ATXN7: variants seen among roughly 807,000 people sequenced by gnomAD.
ATXN7 encodes the protein ataxin 7, also known as ataxin-7.
A neutral mutation model predicts 70.5 loss-of-function variants in ATXN7; 12 were observed. That is an observed-to-expected ratio of 0.17 (90% CI 0.11 to 0.28). ATXN7 has a LOEUF of 0.28. Ranked by LOEUF, ATXN7 falls within the 10% of genes least tolerant of loss-of-function variation. ATXN7 has a pLI of 1.00. For missense variants in ATXN7, 1,256 were observed against 1,131.7 expected, an observed-to-expected ratio of 1.11 and a Z score of -1.58; for synonymous variants, 498 against 448.7, an observed-to-expected ratio of 1.11 and a Z score of -1.39.
chr3:63,991,761 A>C (rs148993707), intron 11 of ATXN7, among the ~76,000 whole-genome samples: 178 of 152,244 alleles, frequency 1.2e-3, no homozygotes, highest in African/African-American at 3.9e-3. Context: ...TGCTTCCCAA[A>C]CAGGATTTTA....
intron 4 of ATXN7, among the ~76,000 whole-genome samples, chr3:63,932,181 T>C (rs2074559479): frequency 6.6e-6 from 1 of 152,224 alleles, no homozygotes; most frequent in African/African-American, 2.4e-5. Context: ...GGTTCCCATA[T>C]TCAAGGTAAT....
intron 4 of ATXN7, among the ~76,000 whole-genome samples, chr3:63,925,977 A>G (rs1704700604): frequency 6.6e-6 from 1 of 152,228 alleles, no homozygotes; most frequent in Non-Finnish European, 1.5e-5. Context: ...AATTGGTGGT[A>G]GCTAAAGTTA....
chr3:63,984,402 T>G (rs2075540870), intron 8 of ATXN7, among the ~76,000 whole-genome samples: 1 of 152,046 alleles, frequency 6.6e-6, no homozygotes, highest in African/African-American at 2.4e-5. Context: ...AGTGGTGTAG[T>G]GGTGGTGGTG....
Position 63,980,126 on chromosome 3 carries a change from A to G in ATXN7, c.711A>G (p.Pro237=), listed in dbSNP as rs767970263. 1 of 1,614,220 alleles carries G rather than the reference A, an allele frequency of 6.2e-7. No individual in the cohort carries two copies. The highest frequency in any genetic ancestry group is 1.7e-5 in the Admixed American group (1 of 60,020). ...EKLQLRGNTR[P]MHPIQQSRVP... ...TGCAGCTCAGGGGGAACACCAGGCC[A>G]ATGCATCCCATTCAGCAAAGTAGAG... Residue 237 remains proline (P), a synonymous_variant, in exon 6 of 13, where the codon CCA becomes CCG. Coordinates refer to ENST00000674280, the MANE Select transcript of ATXN7 (RefSeq NM_001377405.1).
At chr3:63,963,968 A>G (rs201949391) in intron 5 of ATXN7, among the ~76,000 whole-genome samples, 1 of 151,474 alleles carries the variant, frequency 6.6e-6, no homozygotes, top group Non-Finnish European at 1.5e-5. Context: ...TTATATCTCT[A>G]CCAGCCACTA....
At chr3:63,926,451 C>G (rs1704718567) in intron 4 of ATXN7, among the ~76,000 whole-genome samples, 1 of 152,192 alleles carries the variant, frequency 6.6e-6, no homozygotes, top group African/African-American at 2.4e-5. Context: ...AACAGCAAAT[C>G]TGAAGTCTCT....
At chr3:63,976,532 A>G (rs1325737249) in intron 5 of ATXN7, among the ~76,000 whole-genome samples, 2 of 152,168 alleles carry the variant, frequency 1.3e-5, no homozygotes, top group African/African-American at 2.4e-5. Flanking sequence ...CTTTTTTGGG[A>G]TATTATCGAT....
chr3:63,941,998 T>A (rs2074777294), intron 4 of ATXN7, among the ~76,000 whole-genome samples: 1 of 152,212 alleles, frequency 6.6e-6, no homozygotes, highest in Non-Finnish European at 1.5e-5. Flanking sequence ...GCCTTCCTCT[T>A]CTCTCTGGTT....
chr3:63,925,581 C>T (rs1355785162), intron 4 of ATXN7, among the ~76,000 whole-genome samples: 1 of 152,050 alleles, frequency 6.6e-6, no homozygotes, highest in Non-Finnish European at 1.5e-5. Flanking sequence ...AAATTGTCTT[C>T]CACGAAACTG....
chr3:63,984,222 A>AAT (rs71631180), intron 8 of ATXN7, among the ~76,000 whole-genome samples: 3 of 151,950 alleles, frequency 2.0e-5, no homozygotes, highest in African/African-American at 7.3e-5. Flanking sequence ...AAAAAAAAAA[A>AAT]CCACGGTCCA....
intron 5 of ATXN7, among the ~76,000 whole-genome samples, chr3:63,952,926 T>C (rs1215023392): frequency 1.3e-5 from 2 of 150,230 alleles, no homozygotes; most frequent in Non-Finnish European, 3.0e-5. Context: ...GTGTTAATTG[T>C]TGAAGAATCC....
chr3:63,908,920 A>C (rs558507282), intron 2 of ATXN7, among the ~76,000 whole-genome samples: 3 of 152,218 alleles, frequency 2.0e-5, no homozygotes, highest in Non-Finnish European at 4.4e-5. Flanking sequence ...GCACAGAATT[A>C]GCAGTACTTC....
intron 1 of ATXN7, among the ~76,000 whole-genome samples, chr3:63,879,947 G>T (rs1010105605): frequency 6.6e-6 from 1 of 151,982 alleles, no homozygotes; most frequent in East Asian, 2.0e-4. Context: ...TTAGCCGGGT[G>T]TGGTGGCACG....
chr3:63,957,438 T>G (rs185177082), intron 5 of ATXN7, among the ~76,000 whole-genome samples: 2 of 152,368 alleles, frequency 1.3e-5, no homozygotes, highest in East Asian at 1.9e-4. Flanking sequence ...ATCTGCTGAC[T>G]TAATTCCACT....
chr3:63,992,187 T>C (rs1014190884), intron 11 of ATXN7, among the ~76,000 whole-genome samples: 1 of 152,262 alleles, frequency 6.6e-6, no homozygotes, highest in African/African-American at 2.4e-5. Flanking sequence ...TTGGATTGTC[T>C]GCAACCCAAA....
At position 63,912,602 on chromosome 3, in the gene ATXN7, T is replaced by G; in HGVS notation, c.4T>G (p.Ser2Ala). ...TTACATTGTAGGAGCGGAAAGAATG[T>G]CGGAGCGGGCCGCGGATGACGTCAG... Reference protein sequence around the residue: MSERAADDVRGE... With the variant: MAERAADDVRGE... The change falls in exon 3 of 13, where the codon TCG (serine) becomes GCG (alanine). Residue 2 changes from serine (S) to alanine (A), a missense_variant. By Grantham distance (99) the Ser-to-Ala change is moderately conservative. Transcript: ENST00000674280. The G allele has an allele frequency of 9.1e-7, 1 of 1,094,064 alleles. No homozygotes were observed. Among genetic ancestry groups the G allele is most frequent in the Non-Finnish European group, 1.1e-6 (1 of 887,908 alleles). 67.8% of individuals were successfully genotyped at this position (1,094,064 alleles called of 1,614,324 possible).
At chr3:63,978,561 G>C (rs2075430092) in intron 5 of ATXN7, among the ~76,000 whole-genome samples, 1 of 152,182 alleles carries the variant, frequency 6.6e-6, no homozygotes, top group Non-Finnish European at 1.5e-5. Flanking sequence ...CTGCCGAACT[G>C]AATTTATTTT....
At chr3:63,863,677 G>A (rs1702299163), upstream of ATXN7, 11 of 1,236,518 alleles carry the variant, frequency 8.9e-6, no homozygotes, top group African/African-American at 3.1e-5. Context: ...CGGGGAGGCC[G>A]AGGGGTTCCC....
At chr3:63,974,733 ATGT>A (rs1168519795) in intron 5 of ATXN7, among the ~76,000 whole-genome samples, 8 of 152,298 alleles carry the variant, frequency 5.3e-5, no homozygotes, top group South Asian at 2.1e-4. Context: ...GCTGTTGTTG[ATGT>A]TGTTGTTCTT....
Sources: allele counts gnomAD v4.1 joint callset (sites outside exome capture counted in the v4.1 genomes callset), GRCh38; gene constraint gnomAD v4.1.1; transcripts MANE v1.5; gene names NCBI Gene and HGNC (gene_info 2026-07-23, HGNC 2026-07-21).